TTC38: variants seen among roughly 807,000 people sequenced by gnomAD.
The protein encoded by TTC38 is tetratricopeptide repeat domain 38.
Under a neutral mutation model 64.2 loss-of-function variants are expected in TTC38, and 64 were observed. The observed-to-expected ratio is 1.00, with a 90% CI of 0.81 to 1.23. The LOEUF is 1.23. Among genes scored for constraint, TTC38 ranks in the 50% most tolerant of loss-of-function variants. The probability of loss-of-function intolerance (pLI) is 0.00; values close to 1 mark genes in which losing one functional copy is unlikely to be tolerated. For synonymous variants in TTC38, 254 were observed against 249.3 expected, an observed-to-expected ratio of 1.02 and a Z score of -0.18; for missense variants, 573 against 615.5, an observed-to-expected ratio of 0.93 and a Z score of 0.73.
chr22:46,278,218 G>A (rs904770020), intron 5 of TTC38, among the ~76,000 whole-genome samples: 1 of 152,222 alleles, frequency 6.6e-6, no homozygotes, highest in African/African-American at 2.4e-5. Context: ...GTGTCAGCAA[G>A]GGCAGTGCCC....
At chr22:46,286,924 T>C (rs2077575585) in intron 9 of TTC38, 149 bp from the exon 10 acceptor site, 3 of 598,918 alleles carry the variant, frequency 5.0e-6, no homozygotes, top group South Asian at 2.0e-5. Flanking sequence ...GCAAGGGTGA[T>C]GGGCCTGTCA....
At position 46,272,658 on chromosome 22, in the gene TTC38, A is replaced by G. The variant is rs967464439; in HGVS notation, c.193+242A>G. 6.6e-6 allele frequency among the ~76,000 whole-genome samples: 1 copy of G among 152,106 alleles called. No individual in the cohort carries two copies. Among genetic ancestry groups the G allele is most frequent in the African/African-American group, 2.4e-5 (1 of 41,426 alleles). ...CTCATCTTTTCTTTAATTACCATCA[A>G]TTCGGGAATGAAGATGCTGATCTCA... On this transcript the variant is annotated intron_variant, in intron 3 of 13. Coordinates refer to ENST00000381031, the MANE Select transcript of TTC38 (RefSeq NM_017931.4). The surrounding 1 kb of genome is among the most constrained non-coding windows in gnomAD (Gnocchi z 6.4).
chr22:46,269,182 A>T (rs755740214), intron 2 of TTC38: 1 of 387,048 alleles, frequency 2.6e-6, no homozygotes, highest in Non-Finnish European at 5.3e-6. Context: ...TGCAGTGGGG[A>T]TGTTTTTTGA....
rs57859102 is a variant in TTC38 at position 46,276,824 on chromosome 22, A to AATAT, written c.539+1417_539+1420dup. Among the ~76,000 whole-genome samples, 6,628 of 139,472 alleles carry AATAT rather than the reference A, an allele frequency of 0.048. 543 individuals are homozygous for AATAT. Among genetic ancestry groups the AATAT allele is most frequent in the African/African-American group, 0.17 (6,194 of 36,110 alleles). 91.5% of individuals were successfully genotyped at this position (139,472 alleles called of 152,430 possible). ...ATTATATATTAAAATATATATATTA[A>AATAT]ATATATATATATATATAAACATATA... On this transcript the variant is annotated intron_variant, in intron 5 of 13. Coordinates refer to ENST00000381031, the MANE Select transcript of TTC38 (RefSeq NM_017931.4). This position sits in a 1 kb window ranked among gnomAD's most constrained non-coding sequence, Gnocchi z 4.7.
rs2077488701 is a variant in TTC38 at position 46,276,584 on chromosome 22, GC to G, written c.539+1164del. Among the ~76,000 whole-genome samples the G allele has an allele frequency of 2.0e-5, 3 of 151,614 alleles. No homozygotes were observed. Among genetic ancestry groups the G allele is most frequent in the Admixed American group, 6.6e-5 (1 of 15,170 alleles). ...ATGGTGGCATGTGCCTGTAGTTCCGGCTACTCAGGAGGCTGTGGCGGGAGGT... is the reference window on the plus strand; with the variant it reads ...ATGGTGGCATGTGCCTGTAGTTCCGGTACTCAGGAGGCTGTGGCGGGAGGT... On this transcript the variant is annotated intron_variant, in intron 5 of 13. Transcript: ENST00000381031. The surrounding 1 kb of genome is among the most constrained non-coding windows in gnomAD (Gnocchi z 4.7).
chr22:46,292,981 C>G lies in TTC38; in HGVS notation c.*97C>G, dbSNP rs2077627377. The G allele has an allele frequency of 4.2e-6, 4 of 946,816 alleles. No individual in the cohort carries two copies. The highest frequency in any genetic ancestry group is 6.7e-6 in the Non-Finnish European group (4 of 595,938). The allele number at this position is 946,816 out of a possible 1,614,324, so 58.7% of individuals were successfully genotyped here. A position where few individuals can be genotyped will look rare whatever the true frequency, so the allele number is the denominator to read the frequency against. ...GGTTAGGGTCAGGAGACGGCCAGAG[C>G]CTGTTTGTTAGGGCTGTTAGAGGGT... On this transcript the variant is annotated 3_prime_UTR_variant, in exon 14 of 14. Transcript: ENST00000381031. This position sits in a 1 kb window ranked among gnomAD's most constrained non-coding sequence, Gnocchi z 6.5.
chr22:46,286,764 C>T (rs998470897), intron 9 of TTC38, among the ~76,000 whole-genome samples: 1 of 152,126 alleles, frequency 6.6e-6, no homozygotes, highest in African/African-American at 2.4e-5. Flanking sequence ...ATCGGGCAGA[C>T]AGCCCTCCCA....
intron 2 of TTC38, chr22:46,269,324 A>G (rs1258174479): frequency 5.0e-6 from 1 of 200,614 alleles, no homozygotes; most frequent in East Asian, 1.9e-4. Context: ...CTGTGCCAAG[A>G]CCTTCTGCCA....
At chr22:46,289,269 GTCACC>G (rs2077594359) in intron 11 of TTC38, 128 bp from the exon 12 acceptor site, 3 of 1,182,936 alleles carry the variant, frequency 2.5e-6, no homozygotes, top group Admixed American at 2.4e-5. Context: ...TGCCCCGCCT[GTCACC>G]TCACCTCATC....
In TTC38 at chr22:46,285,168, C is replaced by T. The variant is rs575091363; in HGVS notation, c.796-73C>T. 45 of 1,389,944 alleles carry T rather than the reference C, an allele frequency of 3.2e-5. 1 individual carries two copies. The highest frequency in any genetic ancestry group is 3.1e-4 in the South Asian group (27 of 86,526). The allele number at this position is 1,389,944 out of a possible 1,614,324, so 86.1% of individuals were successfully genotyped here. On this transcript the variant is annotated intron_variant, in intron 8 of 13. Transcript: ENST00000381031. ...TGTGCTCAGGGGTCTTTGGCCTGGC[C>T]GTTCTCAGTTCACGTGCCAGCATTA... is the stretch of plus-strand genomic sequence containing the variant.
At chr22:46,280,660 C>G (rs1487247101) in intron 6 of TTC38, among the ~76,000 whole-genome samples, 1 of 152,216 alleles carries the variant, frequency 6.6e-6, no homozygotes, top group African/African-American at 2.4e-5. Flanking sequence ...GCTGGGCCCA[C>G]AAAAGCTGAG....
intron 5 of TTC38, among the ~76,000 whole-genome samples, chr22:46,278,061 A>G (rs2077506308): frequency 6.6e-6 from 1 of 152,224 alleles, no homozygotes. Flanking sequence ...AGTCAGAAGC[A>G]TGGAATTGCT....
rs907280304 is a variant in TTC38 at position 46,276,753 on chromosome 22, T to C, written c.539+1332T>C. Among the ~76,000 whole-genome samples, 6 of 144,526 alleles carry C rather than the reference T, an allele frequency of 4.2e-5. No homozygotes were observed. Among genetic ancestry groups the C allele is most frequent in the African/African-American group, 1.5e-4 (6 of 39,516 alleles). The allele number at this position is 144,526 out of a possible 152,430, so 94.8% of individuals were successfully genotyped here. ...ATTAAAAAAATATATATAAAATACA[T>C]ATATTAAAAATATATATTAAATATA... On this transcript the variant is annotated intron_variant, in intron 5 of 13. Transcript: ENST00000381031. The surrounding 1 kb of genome is among the most constrained non-coding windows in gnomAD (Gnocchi z 4.7).
At chr22:46,268,214 G>A (rs1338836306) in intron 1 of TTC38, 142 bp downstream of exon 1, 2 of 938,660 alleles carry the variant, frequency 2.1e-6, no homozygotes, top group South Asian at 1.7e-5. Flanking sequence ...CCGCGGCAAC[G>A]CCTGGAAGGG....
chr22:46,292,830 G>A lies in TTC38; in HGVS notation c.1356G>A (p.Ser452=), dbSNP rs143547046. 226 of 1,614,028 alleles carry A rather than the reference G, an allele frequency of 1.4e-4. No individual in the cohort carries two copies. In the African/African-American group the frequency reaches 1.4e-3, roughly 10 times the overall value. ...AGCGTGATGCCTTGAAGCCCAACTC[G>A]CCCCTGACCGAGCGGCTCATCCGCA... is the stretch of plus-strand genomic sequence containing the variant. ...LMERDALKPN[S]PLTERLIRKA... is the part of the protein sequence containing the mutation. The change falls in exon 14 of 14, where the codon TCG becomes TCA. Residue 452 remains serine (S), a synonymous_variant. Transcript: ENST00000381031. The surrounding 1 kb of genome is among the most constrained non-coding windows in gnomAD (Gnocchi z 6.5).
In TTC38 at chr22:46,285,297, C is replaced by A. The variant is rs555967884; in HGVS notation, c.834+18C>A. 6.2e-7 allele frequency: 1 copy of A among 1,613,652 alleles called. No individual in the cohort carries two copies. Among genetic ancestry groups the A allele is most frequent in the South Asian group, 1.1e-5 (1 of 91,076 alleles). ...ATACCCACGTAAGTTGCATTCACACCGTGTTTGGTTTGTTGCAGCATTTTG... is the reference window on the plus strand; with the variant it reads ...ATACCCACGTAAGTTGCATTCACACAGTGTTTGGTTTGTTGCAGCATTTTG... On this transcript the variant is annotated intron_variant, in intron 9 of 13. Transcript: ENST00000381031.
chr22:46,285,239 A>G lies in TTC38; in HGVS notation c.796-2A>G, dbSNP rs868714084. ...TTAATAAGGAGAACTTTATTCTTCC[A>G]GGGCGAATATGAGGCCGCGCTGACC... is the stretch of plus-strand genomic sequence containing the variant. On this transcript the variant is annotated splice_acceptor_variant, in intron 8 of 13. Coordinates refer to ENST00000381031, the MANE Select transcript of TTC38 (RefSeq NM_017931.4). LOFTEE classifies it high-confidence loss of function. The G allele has an allele frequency of 6.2e-7, 1 of 1,613,978 alleles. No homozygotes were observed.
chr22:46,288,377 C>A, intron 10 of TTC38, 46 bp from the exon 11 acceptor site: 1 of 1,586,506 alleles, frequency 6.3e-7, no homozygotes, highest in Non-Finnish European at 8.6e-7. Flanking sequence ...CGGGACATGC[C>A]CCAGAGCCTC....
At chr22:46,278,900 C>T (rs1022907984) in intron 6 of TTC38, among the ~76,000 whole-genome samples, 1 of 152,226 alleles carries the variant, frequency 6.6e-6, no homozygotes, top group African/African-American at 2.4e-5. Flanking sequence ...ACTGGATCCA[C>T]GTCTACAGAT....
Sources: gnomAD v4.1 joint callset for allele counts (sites outside exome capture counted in the v4.1 genomes callset) on GRCh38, gnomAD v4.1.1 for gene constraint, Gnocchi (gnomAD v3.1) non-coding constraint, MANE v1.5 for transcripts, NCBI Gene and HGNC (gene_info 2026-07-23, HGNC 2026-07-21) for gene names.